EML4: variants seen among roughly 807,000 people sequenced by gnomAD.
EML4 encodes EMAP like 4.
EML4 carries 72 observed loss-of-function variants against 129.0 expected under a neutral mutation model. The observed-to-expected ratio is 0.56, with a 90% CI of 0.46 to 0.68. The LOEUF is 0.68. EML4 is among the 30% of genes least tolerant of loss of function. The pLI is 0.00. For missense variants in EML4, 1,363 were observed against 1,190.6 expected (o/e 1.14, Z -2.13); for synonymous variants, 532 against 405.0 (o/e 1.31, Z -3.77).
At chr2:42,218,230 C>T (rs943464155) in intron 1 of EML4, among the ~76,000 whole-genome samples, 24 of 152,052 alleles carry the variant, frequency 1.6e-4, no homozygotes, top group Middle Eastern at 6.8e-3. Flanking sequence ...CAAGGGATCT[C>T]GGTTGCTCAC....
At chr2:42,243,527 C>A (rs950939136) in intron 1 of EML4, among the ~76,000 whole-genome samples, 1 of 152,188 alleles carries the variant, frequency 6.6e-6, no homozygotes, top group Admixed American at 6.5e-5. Flanking sequence ...CTCCTTAAAA[C>A]AATCCTATTT....
At chr2:42,242,978 A>G (rs1030330188) in intron 1 of EML4, among the ~76,000 whole-genome samples, 5 of 152,076 alleles carry the variant, frequency 3.3e-5, no homozygotes, top group Non-Finnish European at 4.4e-5. Flanking sequence ...GGTTCTCACT[A>G]CGTTGCCCAG....
chr2:42,225,773 TG>T (rs1673920128), intron 1 of EML4, among the ~76,000 whole-genome samples: 1 of 152,170 alleles, frequency 6.6e-6, no homozygotes, highest in African/African-American at 2.4e-5. Context: ...TGGATTGATG[TG>T]TTTTTTTATT....
intron 1 of EML4, among the ~76,000 whole-genome samples, chr2:42,186,861 TA>T (rs1671278831): frequency 6.6e-6 from 1 of 152,096 alleles, no homozygotes; most frequent in Non-Finnish European, 1.5e-5. Flanking sequence ...AATGGGTCTT[TA>T]AAAAATTTAT....
At chr2:42,317,036 A>G (rs2103792327) in intron 18 of EML4, among the ~76,000 whole-genome samples, 1 of 152,318 alleles carries the variant, frequency 6.6e-6, no homozygotes, top group South Asian at 2.1e-4. Flanking sequence ...GGACACCACA[A>G]AAGAAAGGAA....
intron 1 of EML4, among the ~76,000 whole-genome samples, chr2:42,214,421 T>C (rs112650182): frequency 1.5e-4 from 22 of 150,982 alleles, no homozygotes; most frequent in African/African-American, 3.6e-4. Context: ...CACCTACTTA[T>C]CCTAGAGTTT....
intron 2 of EML4, among the ~76,000 whole-genome samples, chr2:42,246,991 T>C (rs559732447): frequency 4.6e-5 from 7 of 152,318 alleles, no homozygotes; most frequent in African/African-American, 9.6e-5. Flanking sequence ...GCAACAAATA[T>C]AGCCACTCTC....
intron 4 of EML4, among the ~76,000 whole-genome samples, chr2:42,262,475 T>C (rs1665792694): frequency 6.6e-6 from 1 of 152,208 alleles, no homozygotes; most frequent in African/African-American, 2.4e-5. Flanking sequence ...CCCAGCATCT[T>C]TTTTTCAGCT....
In EML4 at chr2:42,325,571, TTATA is replaced by T. The variant is rs149584395; in HGVS notation, c.2242+31_2242+34del. The T allele has an allele frequency of 1.8e-4, 89 of 487,794 alleles. No homozygotes were observed. Among genetic ancestry groups the T allele is most frequent in the South Asian group, 5.9e-4 (21 of 35,668 alleles). The allele number at this position is 487,794 out of a possible 1,614,324, so 30.2% of individuals were successfully genotyped here. A position where few individuals can be genotyped will look rare whatever the true frequency, so the allele number is the denominator to read the frequency against. On this transcript the variant is annotated intron_variant, in intron 20 of 22. Transcript: ENST00000318522. ...TATTGTACTGTAAGTATGAATGATT[TTATA>T]TATATATATATATGCTATGATTATA... is the stretch of plus-strand genomic sequence containing the variant.
intron 1 of EML4, among the ~76,000 whole-genome samples, chr2:42,212,239 A>G (rs761184996): frequency 6.6e-6 from 1 of 152,230 alleles, no homozygotes; most frequent in Non-Finnish European, 1.5e-5. Flanking sequence ...ATCTGTTAAG[A>G]TAAAAATGTT....
rs530854227 is a variant in EML4, at chr2:42,330,709, T to C, written c.*502T>C. The C allele has an allele frequency of 6.5e-5, 15 of 229,914 alleles. No homozygotes were observed. The South Asian group carries it at 1.6e-3, about 25-fold the overall frequency. 14.2% of individuals were successfully genotyped at this position (229,914 alleles called of 1,614,324 possible). On this transcript the variant is annotated 3_prime_UTR_variant, in exon 23 of 23. Coordinates refer to ENST00000318522, the MANE Select transcript of EML4 (RefSeq NM_019063.5). ...CACCCCAAATGTGTAATGGAAAATTTTTAATTAAGAAAAACTTCAGTTTTG... is the reference window on the plus strand; with the variant it reads ...CACCCCAAATGTGTAATGGAAAATTCTTAATTAAGAAAAACTTCAGTTTTG...
At position 42,325,541 on chromosome 2, in the gene EML4, T is replaced by C. The variant is rs777372424; in HGVS notation, c.2229T>C (p.Tyr743=). Residue 743 remains tyrosine (Y), a synonymous_variant, in exon 20 of 23, where the codon TAT becomes TAC. Coordinates refer to ENST00000318522, the MANE Select transcript of EML4 (RefSeq NM_019063.5). ...ATATAATGTCTAACTCGGGAGACTA[T>C]GAAATATTGTACTGTAAGTATGAAT... ...NKYIMSNSGD[Y]EILYWDIPNG... 2.7e-5 allele frequency: 39 copies of C among 1,460,040 alleles called. No homozygotes were observed. The highest frequency in any genetic ancestry group is 3.5e-5 in the Non-Finnish European group (37 of 1,057,202). The allele number at this position is 1,460,040 out of a possible 1,614,324, so 90.4% of individuals were successfully genotyped here.
At chr2:42,324,410 G>A (rs575752733) in intron 19 of EML4, among the ~76,000 whole-genome samples, 1 of 152,352 alleles carries the variant, frequency 6.6e-6, no homozygotes, top group South Asian at 2.1e-4. Context: ...GAGCCTGGGA[G>A]TTCAAGACCA....
chr2:42,209,143 A>G (rs1025533874), intron 1 of EML4, among the ~76,000 whole-genome samples: 3 of 152,200 alleles, frequency 2.0e-5, no homozygotes, highest in Admixed American at 6.5e-5. Flanking sequence ...AATCACTAAT[A>G]TGATACTAAA....
chr2:42,280,608 C>A (rs1165587237), intron 6 of EML4, among the ~76,000 whole-genome samples: 1 of 152,192 alleles, frequency 6.6e-6, no homozygotes, highest in African/African-American at 2.4e-5. Context: ...TATGTGAATA[C>A]TATGCCATTT....
chr2:42,263,699 G>A (rs1182871698), intron 5 of EML4, among the ~76,000 whole-genome samples: 2 of 151,138 alleles, frequency 1.3e-5, no homozygotes, highest in East Asian at 3.9e-4. Context: ...CACCACGCCT[G>A]GCCTTGGTTT....
chr2:42,269,447 G>A (rs1173406831), intron 6 of EML4, among the ~76,000 whole-genome samples: 2 of 152,012 alleles, frequency 1.3e-5, no homozygotes, highest in Non-Finnish European at 2.9e-5. Context: ...CCTATCCTAG[G>A]CATTCAGAGT....
At position 42,260,120 on chromosome 2, in the gene EML4, C is replaced by T. The variant is rs1184853514; in HGVS notation, c.339-1001C>T. On this transcript the variant is annotated intron_variant, in intron 3 of 22. Transcript: ENST00000318522. ...GCTCAAGTAATCCTCCTGCCTTGGCCTCGCAAAGTACTGGGATTACAGGTG... is the reference window on the plus strand; with the variant it reads ...GCTCAAGTAATCCTCCTGCCTTGGCTTCGCAAAGTACTGGGATTACAGGTG... 2.6e-5 allele frequency among the ~76,000 whole-genome samples: 4 copies of T among 151,738 alleles called. No individual in the cohort carries two copies. In the East Asian group the frequency reaches 7.7e-4, roughly 29 times the overall value.
At chr2:42,264,234 C>T (rs532460306) in intron 5 of EML4, among the ~76,000 whole-genome samples, 1 of 150,888 alleles carries the variant, frequency 6.6e-6, no homozygotes, top group Admixed American at 6.7e-5. Context: ...CCTACCCCAG[C>T]TTCCTGGGTA....
Sources: gnomAD v4.1 joint callset for allele counts (sites outside exome capture counted in the v4.1 genomes callset) on GRCh38, gnomAD v4.1.1 for gene constraint, MANE v1.5 for transcripts, NCBI Gene and HGNC (gene_info 2026-07-23, HGNC 2026-07-21) for gene names.